The following CCDC171 variants were observed in gnomAD, a reference collection of about 807,000 sequenced individuals.
The protein encoded by CCDC171 is coiled-coil domain-containing protein 171.
A neutral mutation model predicts 168.2 loss-of-function variants in CCDC171; 177 were observed. The observed-to-expected ratio is 1.05, with a 90% CI of 0.93 to 1.19. The LOEUF is 1.19. Among genes scored for constraint, CCDC171 ranks in the 50% most tolerant of loss-of-function variants. The pLI is 0.00. For synonymous variants in CCDC171, 687 were observed against 540.8 expected (o/e 1.27, Z -3.75); for missense variants, 1,991 against 1,539.0 (o/e 1.29, Z -4.91).
At position 15,948,855 on chromosome 9, in the gene CCDC171, G is replaced by T. The variant is rs200482160; in HGVS notation, c.3754-22754G>T. On this transcript the variant is annotated intron_variant, in intron 25 of 25. Coordinates refer to ENST00000380701, the MANE Select transcript of CCDC171 (RefSeq NM_173550.4). ...GATCCCATTTGTCAATTTTGGCTTT[G>T]GTTGCCATTGCTTTTGGTGTTTTAG... Among the ~76,000 whole-genome samples the T allele has an allele frequency of 3.3e-3, 505 of 151,362 alleles. 2 individuals carry two copies. The highest frequency in any genetic ancestry group is 0.012 in the African/African-American group (483 of 41,308).
chr9:15,908,609 C>G (rs971123828), intron 24 of CCDC171, among the ~76,000 whole-genome samples: 1 of 152,064 alleles, frequency 6.6e-6, no homozygotes. Flanking sequence ...TACATATGAA[C>G]TAACCTGCAC....
chr9:15,679,118 A>G (rs906176002), intron 10 of CCDC171, among the ~76,000 whole-genome samples: 4 of 152,246 alleles, frequency 2.6e-5, no homozygotes, highest in Non-Finnish European at 2.9e-5. Flanking sequence ...CTGAACTAGT[A>G]AAAACTGAAT....
intron 6 of CCDC171, among the ~76,000 whole-genome samples, chr9:16,029,786 A>G (rs1377954378): frequency 6.6e-6 from 1 of 152,226 alleles, no homozygotes; most frequent in African/African-American, 2.4e-5. Flanking sequence ...GACTCAGATA[A>G]TAGTCTGAGG....
intron 25 of CCDC171, among the ~76,000 whole-genome samples, chr9:15,964,881 C>T (rs1446619619): frequency 1.3e-5 from 2 of 152,194 alleles, no homozygotes; most frequent in African/African-American, 2.4e-5. Context: ...CTGCCTCAGC[C>T]TCCCGGGTAG....
At chr9:15,906,121 T>G (rs1362816825) in intron 24 of CCDC171, among the ~76,000 whole-genome samples, 2 of 152,206 alleles carry the variant, frequency 1.3e-5, no homozygotes, top group Admixed American at 6.5e-5. Flanking sequence ...CCATTCCTTC[T>G]GAAACTATTC....
At chr9:15,952,498 A>G (rs1829311447) in intron 25 of CCDC171, among the ~76,000 whole-genome samples, 3 of 152,042 alleles carry the variant, frequency 2.0e-5, no homozygotes, top group Non-Finnish European at 4.4e-5. Context: ...GCTGGGTTCA[A>G]GTGATTCTCC....
At chr9:15,882,108 T>C (rs1818729321) in intron 24 of CCDC171, among the ~76,000 whole-genome samples, 1 of 152,230 alleles carries the variant, frequency 6.6e-6, no homozygotes, top group South Asian at 2.1e-4. Flanking sequence ...GCATCCATTA[T>C]TGCCTGTCTT....
chr9:15,904,485 C>T (rs1822211831), intron 24 of CCDC171, among the ~76,000 whole-genome samples: 1 of 151,460 alleles, frequency 6.6e-6, no homozygotes, highest in South Asian at 2.1e-4. Context: ...GAGATTTTGT[C>T]ACCACCAGGC....
upstream of CCDC171, among the ~76,000 whole-genome samples, chr9:16,038,769 A>G (rs1434563739): frequency 1.3e-5 from 2 of 151,652 alleles, no homozygotes; most frequent in African/African-American, 4.8e-5. Flanking sequence ...GTTAACTTGG[A>G]TGAAAAAATT....
chr9:15,910,178 A>G (rs1451734104), intron 24 of CCDC171, among the ~76,000 whole-genome samples: 101 of 77,220 alleles, frequency 1.3e-3, no homozygotes, highest in Non-Finnish European at 2.2e-3. Flanking sequence ...ATGTGCACAC[A>G]CACACACACA....
the CCDC171 span, among the ~76,000 whole-genome samples, chr9:16,089,020 C>G: frequency 6.6e-6 from 1 of 152,124 alleles, no homozygotes; most frequent in South Asian, 2.1e-4. Context: ...GATATATAGA[C>G]CAATGGAACA....
chr9:15,682,750 T>C (rs1302850141), intron 10 of CCDC171, among the ~76,000 whole-genome samples: 2 of 152,038 alleles, frequency 1.3e-5, no homozygotes, highest in Non-Finnish European at 2.9e-5. Context: ...TTTTCATGTT[T>C]ACATGAAGAT....
chr9:15,907,859 C>T (rs1205969149), intron 24 of CCDC171, among the ~76,000 whole-genome samples: 1 of 152,220 alleles, frequency 6.6e-6, no homozygotes, highest in Admixed American at 6.5e-5. Context: ...TGAACAGACA[C>T]TTCTCAAAAG....
chr9:15,877,229 G>C (rs1563922305), intron 24 of CCDC171, among the ~76,000 whole-genome samples: 1 of 151,986 alleles, frequency 6.6e-6, no homozygotes, highest in Non-Finnish European at 1.5e-5. Context: ...TGATCCCCGA[G>C]ACTTGCAGTG....
intron 3 of CCDC171, among the ~76,000 whole-genome samples, chr9:15,992,418 A>G (rs1289578387): frequency 6.6e-6 from 1 of 152,210 alleles, no homozygotes; most frequent in Non-Finnish European, 1.5e-5. Context: ...AACTCTCAAT[A>G]AATTAGGTAT....
At chr9:15,840,389 C>G (rs1360816856) in intron 21 of CCDC171, among the ~76,000 whole-genome samples, 2 of 152,042 alleles carry the variant, frequency 1.3e-5, no homozygotes, top group East Asian at 3.9e-4. Flanking sequence ...CCAGGGAATT[C>G]AGCAATTTTT....
chr9:15,767,614 A>G (rs760898693), intron 18 of CCDC171, among the ~76,000 whole-genome samples: 2 of 151,866 alleles, frequency 1.3e-5, no homozygotes, highest in Non-Finnish European at 2.9e-5. Context: ...CACAGCATAC[A>G]TAGTTAAAAA....
chr9:15,729,926 T>A, intron 16 of CCDC171, 128 bp downstream of exon 16: 2 of 635,000 alleles, frequency 3.1e-6, no homozygotes, highest in African/African-American at 1.8e-5. Context: ...CTTGTTTAGA[T>A]ACACATATAT....
chr9:15,746,715 A>C (rs988947304), intron 18 of CCDC171, among the ~76,000 whole-genome samples: 1 of 152,124 alleles, frequency 6.6e-6, no homozygotes, highest in African/African-American at 2.4e-5. Context: ...TACATTTCCA[A>C]CTGAGGTACC....
Sources: allele counts gnomAD v4.1 joint callset (sites outside exome capture counted in the v4.1 genomes callset), GRCh38; gene constraint gnomAD v4.1.1; transcripts MANE v1.5; gene names NCBI Gene and HGNC (gene_info 2026-07-23, HGNC 2026-07-21).